The following RALGPS1 variants were observed in gnomAD, a reference collection of about 807,000 sequenced individuals.
RALGPS1 encodes the protein ras-specific guanine nucleotide-releasing factor RalGPS1.
RALGPS1 carries 19 observed loss-of-function variants against 78.8 expected under a neutral mutation model. That is an observed-to-expected ratio of 0.24 (90% CI 0.17 to 0.35). The LOEUF (loss-of-function observed/expected upper bound fraction) is 0.35, where lower values mean the gene tolerates loss of function less well. Ranked by LOEUF, RALGPS1 falls within the 10% of genes least tolerant of loss-of-function variation. The pLI is 1.00. For synonymous variants in RALGPS1, 228 were observed against 256.3 expected (o/e 0.89, Z 1.06); for missense variants, 454 against 688.3 (o/e 0.66, Z 3.81).
intron 4 of RALGPS1, among the ~76,000 whole-genome samples, chr9:126,995,149 CATA>C (rs1374808846): frequency 6.6e-6 from 1 of 152,182 alleles, no homozygotes; most frequent in African/African-American, 2.4e-5. Flanking sequence ...CAGCTAACAT[CATA>C]ATGACAGGAT....
At chr9:127,010,230 G>C (rs2044220894) in intron 4 of RALGPS1, among the ~76,000 whole-genome samples, 1 of 152,108 alleles carries the variant, frequency 6.6e-6, no homozygotes, top group Non-Finnish European at 1.5e-5. Flanking sequence ...CCAGGCTCTA[G>C]TTGTTCATCT....
intron 8 of RALGPS1, among the ~76,000 whole-genome samples, chr9:127,165,027 A>G (rs564734643): frequency 4.6e-5 from 7 of 152,190 alleles, no homozygotes; most frequent in Non-Finnish European, 1.0e-4. Context: ...TTTTTATGCT[A>G]TGTATTGTTT....
chr9:127,213,090 G>A (rs769116593), intron 17 of RALGPS1, 41 bp downstream of exon 17: 6 of 1,613,006 alleles, frequency 3.7e-6, no homozygotes, highest in Non-Finnish European at 3.4e-6. Context: ...GCTGCTCTCT[G>A]CCCATTTCCT....
Position 127,163,677 on chromosome 9 carries a change from C to T in RALGPS1, c.611-2392C>T, listed in dbSNP as rs367780157. Among the ~76,000 whole-genome samples the T allele has an allele frequency of 4.5e-4, 69 of 152,156 alleles. 1 individual carries two copies. The highest frequency in any genetic ancestry group is 1.6e-3 in the African/African-American group (66 of 41,438). On this transcript the variant is annotated intron_variant, in intron 8 of 18. Coordinates refer to ENST00000259351, the MANE Select transcript of RALGPS1 (RefSeq NM_014636.3). ...TTCAACTCCTGTCTCTTTCATTTAC[C>T]AGCTGCATGACCTTGAGCAAGTTAC... is the stretch of plus-strand genomic sequence containing the variant.
chr9:127,079,986 A>T (rs189058269), intron 8 of RALGPS1: 1 of 152,272 alleles, frequency 6.6e-6, no homozygotes, highest in Admixed American at 6.5e-5. Context: ...AACTCAACAC[A>T]TAAAGGACTA....
intron 1 of RALGPS1, among the ~76,000 whole-genome samples, chr9:126,961,725 G>A (rs538796723): frequency 6.6e-6 from 1 of 152,234 alleles, no homozygotes; most frequent in African/African-American, 2.4e-5. Flanking sequence ...GAGCCCAGGA[G>A]GTTGAGGCTG....
chr9:126,959,706 T>C (rs1435935162), intron 1 of RALGPS1, among the ~76,000 whole-genome samples: 1 of 152,190 alleles, frequency 6.6e-6, no homozygotes, highest in East Asian at 1.9e-4. Flanking sequence ...ATCGTTATCA[T>C]GCTGGCATAT....
intron 5 of RALGPS1, among the ~76,000 whole-genome samples, chr9:127,043,978 G>A (rs1371483258): frequency 6.6e-6 from 1 of 152,208 alleles, no homozygotes; most frequent in African/African-American, 2.4e-5. Context: ...CTTATTCATT[G>A]CTGGTGGGAA....
At chr9:127,175,835 A>ACAAGCTGCTG (rs752934327) in intron 11 of RALGPS1, among the ~76,000 whole-genome samples, 4 of 152,104 alleles carry the variant, frequency 2.6e-5, no homozygotes, top group Non-Finnish European at 5.9e-5. Flanking sequence ...ACAAGCTGCT[A>ACAAGCTGCTG]CGTGGTGCCA....
At chr9:126,933,059 C>T (rs1249175019) in intron 1 of RALGPS1, among the ~76,000 whole-genome samples, 1 of 152,116 alleles carries the variant, frequency 6.6e-6, no homozygotes, top group Non-Finnish European at 1.5e-5. Context: ...GGGCAGGGGC[C>T]TGGAACCCAG....
At chr9:127,125,961 C>T (rs958804271) in intron 8 of RALGPS1, among the ~76,000 whole-genome samples, 5 of 152,040 alleles carry the variant, frequency 3.3e-5, no homozygotes, top group Non-Finnish European at 7.4e-5. Context: ...TTGGAAACAG[C>T]GGGATGGTCC....
chr9:127,080,633 C>T (rs1255639903), intron 8 of RALGPS1, among the ~76,000 whole-genome samples: 2 of 152,222 alleles, frequency 1.3e-5, no homozygotes, highest in Non-Finnish European at 2.9e-5. Context: ...AGCTCTTTGA[C>T]ACCCACAGAT....
At chr9:127,018,011 GT>G (rs2045033873) in intron 4 of RALGPS1, among the ~76,000 whole-genome samples, 1 of 152,104 alleles carries the variant, frequency 6.6e-6, no homozygotes, top group Non-Finnish European at 1.5e-5. Flanking sequence ...GAGGTCAGGA[GT>G]TTGAGACCAG....
chr9:127,059,648 C>T (rs2135576213), intron 7 of RALGPS1, among the ~76,000 whole-genome samples: 1 of 152,194 alleles, frequency 6.6e-6, no homozygotes, highest in Admixed American at 6.5e-5. Context: ...GTGTCACCTC[C>T]TGTACCCCAG....
intron 4 of RALGPS1, among the ~76,000 whole-genome samples, chr9:126,998,609 G>A (rs560408729): frequency 6.6e-6 from 1 of 152,298 alleles, no homozygotes; most frequent in East Asian, 1.9e-4. Flanking sequence ...AGTCAGTGTG[G>A]CAATTCCTCA....
At chr9:127,053,757 G>C (rs1178624762) in intron 7 of RALGPS1, among the ~76,000 whole-genome samples, 1 of 152,172 alleles carries the variant, frequency 6.6e-6, no homozygotes, top group Non-Finnish European at 1.5e-5. Flanking sequence ...GCTGGTTCAA[G>C]GGCTTTTAAA....
intron 4 of RALGPS1, among the ~76,000 whole-genome samples, chr9:127,008,249 C>T (rs1205886944): frequency 6.6e-6 from 1 of 152,092 alleles, no homozygotes. Context: ...TATCCTGTAC[C>T]AGCAGCATGA....
chr9:127,089,026 T>C (rs753141192), intron 8 of RALGPS1: 9 of 1,614,152 alleles, frequency 5.6e-6, no homozygotes, highest in Non-Finnish European at 7.6e-6. Flanking sequence ...CCCAGTAGAC[T>C]CCGTCCTGGT....
chr9:127,153,352 C>A (rs12350252), intron 8 of RALGPS1, among the ~76,000 whole-genome samples: 75,667 of 148,972 alleles, frequency 0.51, 19,784 homozygotes, highest in African/African-American at 0.6. Context: ...GATTCCCCCA[C>A]GTAAATGTAT....
Sources: allele counts gnomAD v4.1 joint callset (sites outside exome capture counted in the v4.1 genomes callset), GRCh38; gene constraint gnomAD v4.1.1; transcripts MANE v1.5; gene names NCBI Gene and HGNC (gene_info 2026-07-23, HGNC 2026-07-21).